YEATS2: variants seen among roughly 807,000 people sequenced by gnomAD.
YEATS2 encodes YEATS domain-containing protein 2.
Under a neutral mutation model 163.2 loss-of-function variants are expected in YEATS2, and 77 were observed. The observed-to-expected ratio is 0.47, with a 90% CI of 0.39 to 0.57. The LOEUF is 0.57. YEATS2 is among the 20% of genes least tolerant of loss of function. The pLI is 0.00. For synonymous variants in YEATS2, 631 were observed against 645.1 expected, an observed-to-expected ratio of 0.98 and a Z score of 0.33; for missense variants, 1,549 against 1,729.8, an observed-to-expected ratio of 0.90 and a Z score of 1.85.
chr3:183,760,313 A>AGTTTTTTTT (rs1283432086), intron 13 of YEATS2, among the ~76,000 whole-genome samples: 3 of 110,314 alleles, frequency 2.7e-5, no homozygotes, highest in African/African-American at 3.6e-5. Context: ...AAACTACAGA[A>AGTTTTTTTT]TTTTTTTTTT....
At chr3:183,729,220 T>C (rs61275268) in intron 7 of YEATS2, among the ~76,000 whole-genome samples, 11 of 149,834 alleles carry the variant, frequency 7.3e-5, no homozygotes, top group East Asian at 2.0e-4. Flanking sequence ...TGCAGTGAGC[T>C]GAGATCGCGC....
rs1337325411 is a variant in YEATS2, at chr3:183,796,217, C to T, written c.3098-1706C>T. Among the ~76,000 whole-genome samples the T allele has an allele frequency of 4.2e-5, 6 of 144,556 alleles. No homozygotes were observed. The South Asian group carries it at 8.7e-4, about 21-fold the overall frequency. 94.8% of individuals were successfully genotyped at this position (144,556 alleles called of 152,430 possible). On this transcript the variant is annotated intron_variant, in intron 21 of 30. Coordinates refer to ENST00000305135, the MANE Select transcript of YEATS2 (RefSeq NM_018023.5). ...TTCACCATGTTGGCCAGGCTGGTCT[C>T]GAACTCCTGACCGCAGGTGATCCAC...
chr3:183,798,330 A>C (rs1725352335), intron 22 of YEATS2, among the ~76,000 whole-genome samples: 1 of 152,116 alleles, frequency 6.6e-6, no homozygotes, highest in Admixed American at 6.6e-5. Context: ...GTTTATAAGA[A>C]TTTACATTAA....
intron 15 of YEATS2, among the ~76,000 whole-genome samples, chr3:183,764,462 A>G (rs987765673): frequency 6.6e-6 from 1 of 152,248 alleles, no homozygotes; most frequent in Admixed American, 6.5e-5. Flanking sequence ...TGTTTTAAGA[A>G]TAGCCCAAAA....
intron 11 of YEATS2, among the ~76,000 whole-genome samples, chr3:183,755,749 T>C (rs1442567535): frequency 5.3e-5 from 7 of 131,888 alleles, no homozygotes; most frequent in African/African-American, 2.1e-4. Flanking sequence ...TTCTTTTTTT[T>C]TTTTTTTTTT....
intron 15 of YEATS2, among the ~76,000 whole-genome samples, chr3:183,767,255 T>G (rs1003110572): frequency 6.6e-6 from 1 of 152,162 alleles, no homozygotes; most frequent in African/African-American, 2.4e-5. Flanking sequence ...AGACAGCGTC[T>G]AGCTCCGTTG....
intron 15 of YEATS2, among the ~76,000 whole-genome samples, chr3:183,771,633 C>G (rs2109423083): frequency 7.0e-6 from 1 of 142,768 alleles, no homozygotes; most frequent in South Asian, 2.2e-4. Context: ...TCAGTGCAGC[C>G]TTGAACTCCT....
At chr3:183,766,595 T>C (rs1202670477) in intron 15 of YEATS2, among the ~76,000 whole-genome samples, 1 of 152,170 alleles carries the variant, frequency 6.6e-6, no homozygotes, top group African/African-American at 2.4e-5. Context: ...AGCAGGAAAT[T>C]AGCAACAGAG....
intron 6 of YEATS2, among the ~76,000 whole-genome samples, chr3:183,727,805 G>A (rs1287365880): frequency 6.6e-6 from 1 of 152,154 alleles, no homozygotes; most frequent in Non-Finnish European, 1.5e-5. Context: ...TGGCAACCAT[G>A]AGAGTCACCA....
At chr3:183,738,146 C>T (rs1411454084) in intron 8 of YEATS2, among the ~76,000 whole-genome samples, 1 of 152,078 alleles carries the variant, frequency 6.6e-6, no homozygotes, top group African/African-American at 2.4e-5. Context: ...CCAGTCATTC[C>T]CCATCTCATT....
chr3:183,785,509 A>G (rs1723981690), intron 19 of YEATS2, among the ~76,000 whole-genome samples: 1 of 150,434 alleles, frequency 6.6e-6, no homozygotes, highest in Non-Finnish European at 1.5e-5. Context: ...AAAAAAAAAA[A>G]TCAACCAGAT....
chr3:183,756,725 GT>G, intron 12 of YEATS2, 36 bp downstream of exon 12: 1 of 1,346,984 alleles, frequency 7.4e-7, no homozygotes, highest in Non-Finnish European at 9.6e-7. Context: ...CATCTAAAGG[GT>G]TTGATCTTTA....
intron 20 of YEATS2, 25 bp downstream of exon 20, chr3:183,786,326 A>G (rs1415766167): frequency 6.3e-7 from 1 of 1,582,302 alleles, no homozygotes; most frequent in Non-Finnish European, 8.6e-7. Context: ...GTCAGTAGAG[A>G]ATCCTAATGA....
intron 7 of YEATS2, among the ~76,000 whole-genome samples, chr3:183,734,422 G>A (rs913871598): frequency 1.5e-4 from 23 of 152,292 alleles, no homozygotes; most frequent in Admixed American, 1.3e-3. Context: ...GTGGTTGTAA[G>A]GATTAGGTAA....
chr3:183,716,277 TAAAAC>T (rs1371587219), intron 2 of YEATS2, among the ~76,000 whole-genome samples: 1 of 152,160 alleles, frequency 6.6e-6, no homozygotes, highest in Non-Finnish European at 1.5e-5. Flanking sequence ...TTTACATTAT[TAAAAC>T]AAATTATTAC....
chr3:183,749,448 C>G (rs567382010), intron 9 of YEATS2, among the ~76,000 whole-genome samples: 8 of 152,038 alleles, frequency 5.3e-5, no homozygotes, highest in Admixed American at 1.3e-4. Flanking sequence ...CTCCTCCCGC[C>G]CCCCCAGCAC....
chr3:183,792,138 T>A (rs1463170448), intron 21 of YEATS2, among the ~76,000 whole-genome samples: 1 of 152,224 alleles, frequency 6.6e-6, no homozygotes, highest in Admixed American at 6.5e-5. Context: ...TTTATTTTTT[T>A]AAATTTTACT....
At chr3:183,793,210 C>A in intron 21 of YEATS2, 1 of 1,258,292 alleles carries the variant, frequency 7.9e-7, no homozygotes, top group Non-Finnish European at 1.0e-6. Context: ...AGACAACACC[C>A]CTTACTGCCT....
At chr3:183,767,816 A>C (rs1722061545) in intron 15 of YEATS2, among the ~76,000 whole-genome samples, 1 of 152,114 alleles carries the variant, frequency 6.6e-6, no homozygotes, top group Non-Finnish European at 1.5e-5. Context: ...CACGCCCGGC[A>C]GGATACCAGG....
Sources: gnomAD v4.1 joint callset for allele counts (sites outside exome capture counted in the v4.1 genomes callset) on GRCh38, gnomAD v4.1.1 for gene constraint, MANE v1.5 for transcripts, NCBI Gene and HGNC (gene_info 2026-07-23, HGNC 2026-07-21) for gene names.